The following DNAH11 variants were observed in gnomAD, a reference collection of about 807,000 sequenced individuals.
The protein encoded by DNAH11 is axonemal beta dynein heavy chain 11.
In DNAH11, 442 loss-of-function variants were observed where a neutral mutation model predicts 526.0. The ratio of observed to expected loss-of-function variants is 0.84; its 90% confidence interval spans 0.78 to 0.91. The LOEUF (loss-of-function observed/expected upper bound fraction) is 0.91, where lower values mean the gene tolerates loss of function less well. Ranked by LOEUF, DNAH11 falls within the 40% of genes least tolerant of loss-of-function variation. The pLI is 0.00. For synonymous variants in DNAH11, 2,461 were observed against 1,935.9 expected (o/e 1.27, Z -7.12); for missense variants, 6,989 against 5,448.7 (o/e 1.28, Z -8.90).
chr7:21,773,773 A>T lies in DNAH11; in HGVS notation c.9110A>T (p.His3037Leu). ...IEETKGIEPV[H>L]KDSISLFMAH... Reference sequence around the variant, plus strand: ...TAATGTTTGTGTTTTCAGCCAGTGCACAAAGACTCTATTAGCCTTTTCATG... The same window carrying T: ...TAATGTTTGTGTTTTCAGCCAGTGCTCAAAGACTCTATTAGCCTTTTCATG... The change falls in exon 56 of 82, where the codon CAC becomes CTC. Residue 3037 changes from histidine (H) to leucine (L), a missense_variant. Coordinates refer to ENST00000409508, the MANE Select transcript of DNAH11 (RefSeq NM_001277115.2). 6.3e-7 allele frequency: 1 copy of T among 1,582,446 alleles called. No individual in the cohort carries two copies. Among genetic ancestry groups the T allele is most frequent in the Non-Finnish European group, 8.6e-7 (1 of 1,164,906 alleles).
chr7:21,627,495 T>C (rs1423420759), intron 25 of DNAH11, among the ~76,000 whole-genome samples: 5 of 152,232 alleles, frequency 3.3e-5, no homozygotes, highest in Non-Finnish European at 7.3e-5. Flanking sequence ...CTTCTGCATA[T>C]GGTTATCCAG....
At chr7:21,755,989 T>G (rs911788718) in intron 54 of DNAH11, among the ~76,000 whole-genome samples, 6 of 152,120 alleles carry the variant, frequency 3.9e-5, no homozygotes, top group African/African-American at 1.4e-4. Context: ...GTTCTGGTTT[T>G]AGGTGTTTCC....
intron 61 of DNAH11, among the ~76,000 whole-genome samples, chr7:21,797,656 G>C (rs565086011): frequency 6.6e-6 from 1 of 152,288 alleles, no homozygotes; most frequent in African/African-American, 2.4e-5. Flanking sequence ...TCAACAATTA[G>C]ACATTCCTAT....
At chr7:21,848,264 T>C (rs1352653829) in intron 66 of DNAH11, among the ~76,000 whole-genome samples, 3 of 152,096 alleles carry the variant, frequency 2.0e-5, no homozygotes, top group Non-Finnish European at 4.4e-5. Flanking sequence ...CTTATTCTGA[T>C]AACTACTTTG....
At chr7:21,617,484 C>T (rs1355571382) in intron 22 of DNAH11, 135 bp from the exon 23 acceptor site, 4 of 1,044,056 alleles carry the variant, frequency 3.8e-6, no homozygotes, top group East Asian at 5.2e-5. Flanking sequence ...TGGTTTTGCT[C>T]CTTGGTCTAG....
At chr7:21,809,618 CA>C (rs1332587039) in intron 63 of DNAH11, among the ~76,000 whole-genome samples, 4 of 151,854 alleles carry the variant, frequency 2.6e-5, no homozygotes, top group Non-Finnish European at 4.4e-5. Flanking sequence ...GGCTGGAGTG[CA>C]ATGGTTCAGT....
intron 12 of DNAH11, among the ~76,000 whole-genome samples, chr7:21,589,874 G>A (rs932711428): frequency 2.6e-5 from 4 of 152,120 alleles, no homozygotes; most frequent in Admixed American, 1.3e-4. Flanking sequence ...TGAAAGACAC[G>A]TCACGTTTTT....
At chr7:21,766,412 G>T (rs142689525) in intron 55 of DNAH11, among the ~76,000 whole-genome samples, 1 of 152,270 alleles carries the variant, frequency 6.6e-6, no homozygotes, top group Non-Finnish European at 1.5e-5. Context: ...TAAGGTGAAA[G>T]GTTCCTAGAA....
intron 51 of DNAH11, among the ~76,000 whole-genome samples, chr7:21,745,775 C>G (rs374912731): frequency 1.3e-5 from 2 of 152,158 alleles, no homozygotes; most frequent in African/African-American, 4.8e-5. Context: ...TAGGTTGATT[C>G]TGTGAGAAAT....
chr7:21,639,118 A>C, intron 28 of DNAH11, 53 bp downstream of exon 28: 1 of 1,535,586 alleles, frequency 6.5e-7, no homozygotes, highest in Non-Finnish European at 8.8e-7. Context: ...GAGGAATGTC[A>C]TAGCGTCTCT....
intron 28 of DNAH11, among the ~76,000 whole-genome samples, chr7:21,654,564 G>A (rs1019948672): frequency 2.6e-5 from 4 of 152,146 alleles, no homozygotes; most frequent in African/African-American, 9.7e-5. Flanking sequence ...ACAAATACCT[G>A]TTTGAGTTCC....
intron 66 of DNAH11, among the ~76,000 whole-genome samples, chr7:21,845,987 G>A (rs1782402340): frequency 3.9e-5 from 6 of 152,078 alleles, no homozygotes; most frequent in Admixed American, 3.9e-4. Context: ...TCAGTTGTTT[G>A]GTACTAATGT....
intron 73 of DNAH11, among the ~76,000 whole-genome samples, chr7:21,871,363 A>T (rs983408691): frequency 6.6e-6 from 1 of 152,246 alleles, no homozygotes; most frequent in African/African-American, 2.4e-5. Flanking sequence ...AAAAATAGGC[A>T]TAAGAATCTA....
intron 64 of DNAH11, 21 bp downstream of exon 64, chr7:21,816,723 C>G (rs745574889): frequency 1.2e-6 from 2 of 1,602,592 alleles, no homozygotes; most frequent in East Asian, 2.2e-5. Flanking sequence ...TTTGAAGAGA[C>G]TGGCTTTCTG....
chr7:21,642,599 A>C (rs1787179317), intron 28 of DNAH11, among the ~76,000 whole-genome samples: 1 of 152,116 alleles, frequency 6.6e-6, no homozygotes. Flanking sequence ...ATAACATGGC[A>C]ACTGCAGCTT....
intron 28 of DNAH11, among the ~76,000 whole-genome samples, chr7:21,655,056 G>T (rs1474832382): frequency 1.3e-5 from 2 of 151,698 alleles, no homozygotes; most frequent in African/African-American, 4.9e-5. Flanking sequence ...GATCTTTGTT[G>T]TTGTTGGTTT....
At chr7:21,668,112 C>A (rs990480661) in intron 30 of DNAH11, among the ~76,000 whole-genome samples, 1 of 152,078 alleles carries the variant, frequency 6.6e-6, no homozygotes, top group Admixed American at 6.6e-5. Flanking sequence ...AAAGAAAATT[C>A]TTTCAGCAAA....
At chr7:21,599,562 T>C (rs1266158846) in intron 14 of DNAH11, among the ~76,000 whole-genome samples, 1 of 152,224 alleles carries the variant, frequency 6.6e-6, no homozygotes, top group African/African-American at 2.4e-5. Context: ...TAGAGAACTT[T>C]CCTTGAAACA....
At position 21,743,184 on chromosome 7, in the gene DNAH11, G is replaced by A. The variant is rs145696007; in HGVS notation, c.8154+1018G>A. ...CTTGGCAGTGGAAGCAAAGGTAGAT[G>A]TCTGGGCTCTTTAGATTGAGTGAGT... On this transcript the variant is annotated intron_variant, in intron 49 of 81. Transcript: ENST00000409508. 1.2e-4 allele frequency among the ~76,000 whole-genome samples: 18 copies of A among 152,364 alleles called. No individual in the cohort carries two copies. The East Asian group carries it at 3.3e-3, about 28-fold the overall frequency.
Sources: gnomAD v4.1 joint callset for allele counts (sites outside exome capture counted in the v4.1 genomes callset) on GRCh38, gnomAD v4.1.1 for gene constraint, MANE v1.5 for transcripts, NCBI Gene and HGNC (gene_info 2026-07-23, HGNC 2026-07-21) for gene names.